RBM20: variants seen among roughly 807,000 people sequenced by gnomAD.
The protein encoded by RBM20 is RNA-binding protein 20.
Under a neutral mutation model 110.1 loss-of-function variants are expected in RBM20, and 51 were observed. The ratio of observed to expected loss-of-function variants is 0.46; its 90% confidence interval spans 0.37 to 0.59. The LOEUF (loss-of-function observed/expected upper bound fraction) is 0.59. Ranked by LOEUF, RBM20 falls within the 20% of genes least tolerant of loss-of-function variation. The probability of loss-of-function intolerance (pLI) is 0.00; values close to 1 mark genes in which losing one functional copy is unlikely to be tolerated. For synonymous variants in RBM20, 589 were observed against 618.2 expected (o/e 0.95, Z 0.70); for missense variants, 1,512 against 1,574.9 (o/e 0.96, Z 0.68).
Position 110,812,781 on chromosome 10 carries a change from A to T in RBM20, c.2384A>T (p.His795Leu). ...GAGGCCAGGCTGCGGGAAAGCAGACACCCCCATCCGGATGACTCAGGCAAG... is the reference window on the plus strand; with the variant it reads ...GAGGCCAGGCTGCGGGAAAGCAGACTCCCCCATCCGGATGACTCAGGCAAG... ...KDEARLRESR[H>L]PHPDDSGKED... The change falls in exon 9 of 14, where the codon CAC becomes CTC. Residue 795 changes from histidine (H) to leucine (L), a missense_variant. Around this residue, in one of 3 missense-constraint regions of RBM20, gnomAD observed 1,149 missense variants for 1,169.4 expected, o/e 0.98. Coordinates refer to ENST00000369519, the MANE Select transcript of RBM20 (RefSeq NM_001134363.3). 1 of 1,551,452 alleles carries T rather than the reference A, an allele frequency of 6.4e-7. No homozygotes were observed. The highest frequency in any genetic ancestry group is 8.7e-7 in the Non-Finnish European group (1 of 1,146,870).
intron 1 of RBM20, among the ~76,000 whole-genome samples, chr10:110,750,113 A>G (rs1843833848): frequency 6.6e-6 from 1 of 152,238 alleles, no homozygotes; most frequent in Non-Finnish European, 1.5e-5. Context: ...AGGGGACATC[A>G]GCTTTATCCA....
Position 110,644,621 on chromosome 10 carries a change from C to T in RBM20, c.167C>T (p.Ala56Val). 6.6e-7 allele frequency: 1 copy of T among 1,514,206 alleles called. No individual in the cohort carries two copies. Among genetic ancestry groups the T allele is most frequent in the South Asian group, 1.2e-5 (1 of 80,920 alleles). The allele number at this position is 1,514,206 out of a possible 1,614,324, so 93.8% of individuals were successfully genotyped here. A position where few individuals can be genotyped will look rare whatever the true frequency, so the allele number is the denominator to read the frequency against. The change falls in exon 1 of 14, where the codon GCC becomes GTC. Residue 56 changes from alanine (A) to valine (V), a missense_variant. Transcript: ENST00000369519. This position sits in a 1 kb window ranked among gnomAD's most constrained non-coding sequence, Gnocchi z 4.3. ...CCCCAGCCACCGCCCCCGCCCCAAG[C>T]CGGCCTACCCCAGATCATCCAAAAG... Reference protein sequence around the residue: ...PPPQPPPPPQAGLPQIIQNAA... With the variant: ...PPPQPPPPPQVGLPQIIQNAA...
chr10:110,810,076 ATTT>A (rs955429400), intron 7 of RBM20, among the ~76,000 whole-genome samples: 1 of 150,942 alleles, frequency 6.6e-6, no homozygotes, highest in Non-Finnish European at 1.5e-5. Context: ...TCACATTTTA[ATTT>A]TTTTTTATTC....
intron 1 of RBM20, among the ~76,000 whole-genome samples, chr10:110,767,672 G>A (rs1208680237): frequency 6.6e-6 from 1 of 150,880 alleles, no homozygotes; most frequent in South Asian, 2.1e-4. Flanking sequence ...GGGTAGAGGC[G>A]CTCCTCACAT....
chr10:110,788,751 C>A (rs181017612), intron 5 of RBM20, among the ~76,000 whole-genome samples: 2 of 152,286 alleles, frequency 1.3e-5, no homozygotes, highest in Non-Finnish European at 2.9e-5. Context: ...GCAGAAGAGT[C>A]CCTCAGAGAA....
intron 1 of RBM20, among the ~76,000 whole-genome samples, chr10:110,701,889 A>G (rs1465154000): frequency 1.3e-5 from 2 of 152,252 alleles, no homozygotes; most frequent in Non-Finnish European, 2.9e-5. Context: ...GATAAGGCAG[A>G]GAGCTAACGG....
intron 7 of RBM20, among the ~76,000 whole-genome samples, chr10:110,801,340 T>C (rs946189957): frequency 1.3e-5 from 2 of 151,626 alleles, no homozygotes; most frequent in African/African-American, 4.9e-5. Flanking sequence ...GGCAGGAGAA[T>C]CGCTTTAACC....
intron 11 of RBM20, 38 bp from the exon 12 acceptor site, chr10:110,823,442 T>TA: frequency 3.0e-6 from 1 of 332,226 alleles, no homozygotes; most frequent in Non-Finnish European, 4.1e-6. Flanking sequence ...TTTTTTTTTT[T>TA]TTTTTTTTTT....
Position 110,711,085 on chromosome 10 carries a change from G to A in RBM20, c.191+66440G>A, listed in dbSNP as rs116107199. On this transcript the variant is annotated intron_variant, in intron 1 of 13. Coordinates refer to ENST00000369519, the MANE Select transcript of RBM20 (RefSeq NM_001134363.3). ...GTGTGTGATTAGACTCCAGCCGGGC[G>A]ATTGTGGCCACCCCTATCCAGTGGT... 4.4e-3 allele frequency among the ~76,000 whole-genome samples: 662 copies of A among 152,080 alleles called. 5 individuals are homozygous for A. Among genetic ancestry groups the A allele is most frequent in the African/African-American group, 0.015 (621 of 41,484 alleles).
At chr10:110,703,309 C>A (rs576382307) in intron 1 of RBM20, among the ~76,000 whole-genome samples, 1 of 150,580 alleles carries the variant, frequency 6.6e-6, no homozygotes, top group Non-Finnish European at 1.5e-5. Flanking sequence ...CCCCAGGAGG[C>A]GGAGGTTGCA....
chr10:110,782,011 A>G, intron 2 of RBM20, 127 bp downstream of exon 2: 2 of 1,159,036 alleles, frequency 1.7e-6, no homozygotes, highest in Non-Finnish European at 2.5e-6. Context: ...TGCCATCAGT[A>G]TTCTTGACTA....
At position 110,746,562 on chromosome 10, in the gene RBM20, G is replaced by GT. The variant is rs1463203347; in HGVS notation, c.192-34238dup. Among the ~76,000 whole-genome samples, 3 of 152,172 alleles carry GT rather than the reference G, an allele frequency of 2.0e-5. No homozygotes were observed. In the East Asian group the frequency reaches 5.8e-4, roughly 29 times the overall value. The stretch of plus-strand genomic sequence containing the variant: ...GACCACCAGATGGTGGCATTGCTCA[G>GT]TCGACCCCGAGTATTTCAAGGCCGG... On this transcript the variant is annotated intron_variant, in intron 1 of 13. Coordinates refer to ENST00000369519, the MANE Select transcript of RBM20 (RefSeq NM_001134363.3).
rs759728318 is a variant in RBM20, at chr10:110,725,382, C to T, written c.192-55419C>T. ...ACCTGTAGGTCAATAACGCCTGTTT[C>T]GGTGCTTGTTCCCTGAAGGATGTTT... On this transcript the variant is annotated intron_variant, in intron 1 of 13. Coordinates refer to ENST00000369519, the MANE Select transcript of RBM20 (RefSeq NM_001134363.3). Among the ~76,000 whole-genome samples, 7 of 152,190 alleles carry T rather than the reference C, an allele frequency of 4.6e-5. 1 individual carries two copies. Among genetic ancestry groups the T allele is most frequent in the South Asian group, 4.1e-4 (2 of 4,820 alleles).
chr10:110,796,280 A>G (rs944376849), intron 5 of RBM20, among the ~76,000 whole-genome samples: 1 of 152,218 alleles, frequency 6.6e-6, no homozygotes, highest in Non-Finnish European at 1.5e-5. Flanking sequence ...ATATTCTTTA[A>G]GCATTTTTTA....
chr10:110,724,533 C>T (rs377034465), intron 1 of RBM20, among the ~76,000 whole-genome samples: 3 of 152,160 alleles, frequency 2.0e-5, no homozygotes, highest in South Asian at 2.1e-4. Context: ...ACTTGAATCA[C>T]GTTAGCACTG....
At chr10:110,806,094 G>A (rs1015651361) in intron 7 of RBM20, among the ~76,000 whole-genome samples, 1 of 152,064 alleles carries the variant, frequency 6.6e-6, no homozygotes, top group Non-Finnish European at 1.5e-5. Flanking sequence ...CCAACATGGT[G>A]AAACCTAAAC....
chr10:110,763,436 T>C (rs1385355757), intron 1 of RBM20, among the ~76,000 whole-genome samples: 1 of 152,038 alleles, frequency 6.6e-6, no homozygotes, highest in African/African-American at 2.4e-5. Flanking sequence ...GGATAGGAGA[T>C]TACAGTGGAC....
intron 1 of RBM20, among the ~76,000 whole-genome samples, chr10:110,713,873 G>A (rs1862975810): frequency 6.6e-6 from 1 of 152,166 alleles, no homozygotes; most frequent in African/African-American, 2.4e-5. Flanking sequence ...GCGTTTTCCA[G>A]CCTACTAAGG....
chr10:110,817,862 G>GT (rs1199631793), intron 9 of RBM20, among the ~76,000 whole-genome samples: 1 of 152,234 alleles, frequency 6.6e-6, no homozygotes, highest in Admixed American at 6.5e-5. Flanking sequence ...TGGCATTAGA[G>GT]TAACAGGAGG....
Sources: allele counts gnomAD v4.1 joint callset (sites outside exome capture counted in the v4.1 genomes callset), GRCh38; gene constraint gnomAD v4.1.1; regional missense constraint gnomAD v4.1.1; non-coding constraint Gnocchi (gnomAD v3.1); transcripts MANE v1.5; gene names NCBI Gene and HGNC (gene_info 2026-07-23, HGNC 2026-07-21).